ZFHX4: variants seen among roughly 807,000 people sequenced by gnomAD.
ZFHX4 encodes zinc finger homeobox protein 4.
In ZFHX4, 56 loss-of-function variants were observed where a neutral mutation model predicts 267.6. That is an observed-to-expected ratio of 0.21 (90% CI 0.17 to 0.26). The LOEUF (loss-of-function observed/expected upper bound fraction) is 0.26. ZFHX4 is among the 10% of genes least tolerant of loss of function. The pLI, the probability that ZFHX4 is intolerant of heterozygous loss-of-function variation, is 1.00. For missense variants in ZFHX4, 4,332 were observed against 4,420.0 expected (o/e 0.98, Z 0.56); for synonymous variants, 1,778 against 1,665.6 (o/e 1.07, Z -1.64).
intron 3 of ZFHX4, among the ~76,000 whole-genome samples, chr8:76,756,378 AT>A (rs892847456): frequency 2.3e-4 from 35 of 151,340 alleles, no homozygotes; most frequent in Non-Finnish European, 3.1e-4. Context: ...TTCAAGACAC[AT>A]TTTTTTTTAA....
intron 3 of ZFHX4, among the ~76,000 whole-genome samples, chr8:76,724,822 A>G (rs17363588): frequency 0.03 from 4,556 of 152,190 alleles, 123 homozygotes; most frequent in Admixed American, 0.092. Flanking sequence ...AGGAGAGCCA[A>G]CTTCCACAGG....
intron 3 of ZFHX4, among the ~76,000 whole-genome samples, chr8:76,736,230 C>T (rs776046901): frequency 4.0e-5 from 6 of 150,974 alleles, no homozygotes; most frequent in African/African-American, 1.2e-4. Flanking sequence ...AAAGTGTAGT[C>T]GGACTGACTT....
chr8:76,709,533 C>T (rs951741067), intron 3 of ZFHX4, among the ~76,000 whole-genome samples: 4 of 152,136 alleles, frequency 2.6e-5, no homozygotes, highest in African/African-American at 9.6e-5. Flanking sequence ...GAGAGAAAAA[C>T]AAACATTAAG....
chr8:76,748,752 TAACAGCCTCCA>T (rs59333968), intron 3 of ZFHX4, among the ~76,000 whole-genome samples: 2,084 of 152,304 alleles, frequency 0.014, 45 homozygotes, highest in African/African-American at 0.047. Context: ...TACACCACTA[TAACAGCCTCCA>T]AACTAGCCTT....
At chr8:76,835,243 A>ATATTTATATATATATATATG (rs1554572190) in intron 5 of ZFHX4, among the ~76,000 whole-genome samples, 1 of 102,742 alleles carries the variant, frequency 9.7e-6, no homozygotes, top group Admixed American at 9.8e-5. Flanking sequence ...ATATATATGT[A>ATATTTATATATATATATATG]TATATATATA....
intron 4 of ZFHX4, among the ~76,000 whole-genome samples, chr8:76,798,539 C>A (rs144140373): frequency 6.6e-5 from 10 of 152,316 alleles, no homozygotes; most frequent in African/African-American, 1.7e-4. Context: ...CTCTATCACA[C>A]AGCACTGCAT....
intron 4 of ZFHX4, among the ~76,000 whole-genome samples, chr8:76,796,468 G>T (rs571126494): frequency 6.6e-6 from 1 of 152,214 alleles, no homozygotes; most frequent in East Asian, 1.9e-4. Flanking sequence ...CAAATTGTCT[G>T]TTAAGAATCA....
At position 76,850,872 on chromosome 8, in the gene ZFHX4, C is replaced by T. The variant is rs1812495844; in HGVS notation, c.3965-14C>T. ...TCTTATTGTAAGAGAGATGTTTGTG[C>T]TTTTTCCTAATAGGTGAAAGTCCAA... On this transcript the variant is annotated splice_polypyrimidine_tract_variant and intron_variant, in intron 9 of 10. Coordinates refer to ENST00000651372, the MANE Select transcript of ZFHX4 (RefSeq NM_024721.5). The T allele has an allele frequency of 1.9e-6, 3 of 1,561,802 alleles. No homozygotes were observed. Among genetic ancestry groups the T allele is most frequent in the Non-Finnish European group, 2.6e-6 (3 of 1,157,206 alleles).
intron 5 of ZFHX4, among the ~76,000 whole-genome samples, chr8:76,839,972 G>A (rs1170658681): frequency 2.0e-5 from 3 of 152,086 alleles, no homozygotes; most frequent in South Asian, 4.2e-4. Flanking sequence ...AACCCTCTTT[G>A]AGAATAAAAG....
At chr8:76,849,886 GA>G in intron 8 of ZFHX4, 174 bp downstream of exon 8, 4 of 685,272 alleles carry the variant, frequency 5.8e-6, no homozygotes, top group South Asian at 1.9e-5. Context: ...CTTTTGCTTG[GA>G]AAAAAATATG....
chr8:76,848,948 G>T (rs555056759), intron 6 of ZFHX4, 47 bp from the exon 7 acceptor site: 1 of 1,438,192 alleles, frequency 7.0e-7, no homozygotes, highest in East Asian at 2.7e-5. Flanking sequence ...TTCTCATTTC[G>T]GAATTGTGTT....
intron 3 of ZFHX4, among the ~76,000 whole-genome samples, chr8:76,749,694 A>G (rs1374219463): frequency 6.6e-6 from 1 of 152,194 alleles, no homozygotes; most frequent in Admixed American, 6.5e-5. Flanking sequence ...AATGAAATGA[A>G]TAAAACACAT....
chr8:76,812,763 A>T (rs1434603290), intron 4 of ZFHX4, among the ~76,000 whole-genome samples: 7 of 152,204 alleles, frequency 4.6e-5, no homozygotes, highest in African/African-American at 1.7e-4. Context: ...TAACGAAAAA[A>T]ATGGATTTGC....
chr8:76,715,481 T>TAAAAAAA (rs764567552), intron 3 of ZFHX4, among the ~76,000 whole-genome samples: 1 of 62,314 alleles, frequency 1.6e-5, no homozygotes, highest in Non-Finnish European at 2.9e-5. Context: ...GACTCCATCT[T>TAAAAAAA]AAAAAAAAAA....
intron 10 of ZFHX4, 140 bp from the exon 11 acceptor site, chr8:76,862,954 T>C: frequency 8.0e-7 from 1 of 1,242,420 alleles, no homozygotes; most frequent in South Asian, 2.3e-5. Context: ...TAGGTGGTGA[T>C]CATGAATTTC....
At chr8:76,847,083 G>A (rs1177963714) in intron 6 of ZFHX4, among the ~76,000 whole-genome samples, 1 of 152,090 alleles carries the variant, frequency 6.6e-6, no homozygotes, top group South Asian at 2.1e-4. Context: ...ATAGACATTG[G>A]TTGATTTAAA....
intron 4 of ZFHX4, among the ~76,000 whole-genome samples, chr8:76,803,735 A>G (rs1262452149): frequency 1.3e-5 from 2 of 152,160 alleles, no homozygotes; most frequent in East Asian, 3.8e-4. Flanking sequence ...CAAATAAACA[A>G]GAAAGCCACA....
chr8:76,715,983 A>G (rs1808560885), intron 3 of ZFHX4, among the ~76,000 whole-genome samples: 2 of 152,208 alleles, frequency 1.3e-5, no homozygotes, highest in Non-Finnish European at 2.9e-5. Flanking sequence ...GAGAAAGGTT[A>G]TGATTGAAGA....
intron 3 of ZFHX4, among the ~76,000 whole-genome samples, chr8:76,762,702 A>G (rs187024379): frequency 6.6e-6 from 1 of 152,204 alleles, no homozygotes; most frequent in Admixed American, 6.5e-5. Context: ...TCTTTGTGTT[A>G]TCTTTTCCTA....
Sources: allele counts gnomAD v4.1 joint callset (sites outside exome capture counted in the v4.1 genomes callset), GRCh38; gene constraint gnomAD v4.1.1; transcripts MANE v1.5; gene names NCBI Gene and HGNC (gene_info 2026-07-23, HGNC 2026-07-21).